MED13L: variants seen among roughly 807,000 people sequenced by gnomAD.
MED13L encodes mediator complex subunit 13L, also known as mediator of RNA polymerase II transcription subunit 13-like.
In MED13L, 7 loss-of-function variants were observed where a neutral mutation model predicts 220.9. The ratio of observed to expected loss-of-function variants is 0.03; its 90% CI spans 0.02 to 0.06. The LOEUF is 0.06. MED13L is among the 10% of genes least tolerant of loss of function. The pLI, the probability that MED13L is intolerant of heterozygous loss-of-function variation, is 1.00. For synonymous variants in MED13L, 1,011 were observed against 1,015.2 expected, an observed-to-expected ratio of 1.00 and a Z score of 0.08; for missense variants, 1,965 against 2,760.5, an observed-to-expected ratio of 0.71 and a Z score of 6.46.
At chr12:115,982,157 A>T (rs945525869) in intron 22 of MED13L, 2 of 549,852 alleles carry the variant, frequency 3.6e-6, no homozygotes, top group South Asian at 4.1e-5. Context: ...TATATGAAAC[A>T]TAAATAAATT....
intron 2 of MED13L, among the ~76,000 whole-genome samples, chr12:116,206,621 C>CT (rs911708742): frequency 2.3e-4 from 34 of 150,436 alleles, no homozygotes; most frequent in East Asian, 9.8e-4. Flanking sequence ...AGCAAGTAGC[C>CT]TTTTTTTTTC....
In MED13L at chr12:116,019,215, C is replaced by T; in HGVS notation, c.1009+9G>A. The T allele has an allele frequency of 6.2e-7, 1 of 1,612,328 alleles. No homozygotes were observed. The highest frequency in any genetic ancestry group is 8.5e-7 in the Non-Finnish European group (1 of 1,179,094). On this transcript the variant is annotated intron_variant, in intron 7 of 30. Transcript: ENST00000281928. ...TCTTCTCCCCAGGACACTCCTGGAT[C>T]CTACTCACCTAGGATAGCCTGTTCT...
Position 116,048,256 on chromosome 12 carries a change from G to C in MED13L, c.480-25655C>G, listed in dbSNP as rs549990445. ...ACTCTAGGAACTGAAAAAGGAATCA[G>C]AGTCACTGGGGCAGTGCTTCAGAAG... On this transcript the variant is annotated intron_variant, in intron 4 of 30. Coordinates refer to ENST00000281928, the MANE Select transcript of MED13L (RefSeq NM_015335.5). 1.1e-4 allele frequency among the ~76,000 whole-genome samples: 16 copies of C among 152,316 alleles called. No homozygotes were observed. The South Asian group carries it at 2.1e-3, about 20-fold the overall frequency.
chr12:116,130,766 T>C (rs1875999851), intron 2 of MED13L, among the ~76,000 whole-genome samples: 1 of 152,176 alleles, frequency 6.6e-6, no homozygotes, highest in South Asian at 2.1e-4. Flanking sequence ...AGTAAGTAGC[T>C]GCATGCAGTC....
intron 2 of MED13L, among the ~76,000 whole-genome samples, chr12:116,157,664 G>C (rs766206941): frequency 6.6e-6 from 1 of 152,214 alleles, no homozygotes; most frequent in African/African-American, 2.4e-5. Context: ...TAGTGAAGTT[G>C]TTTCTCACAA....
At chr12:116,004,804 T>A (rs1190037708) in intron 13 of MED13L, among the ~76,000 whole-genome samples, 1 of 152,200 alleles carries the variant, frequency 6.6e-6, no homozygotes. Flanking sequence ...TAATGGTATA[T>A]AATATCTGTT....
At chr12:116,009,903 C>A (rs1879288104) in intron 9 of MED13L, among the ~76,000 whole-genome samples, 1 of 152,172 alleles carries the variant, frequency 6.6e-6, no homozygotes, top group South Asian at 2.1e-4. Flanking sequence ...TTAATCTGTA[C>A]AACAAAGTTA....
chr12:116,276,644 C>G, intron 1 of MED13L: 1 of 1,197,082 alleles, frequency 8.4e-7, no homozygotes, highest in East Asian at 5.8e-5. Flanking sequence ...GGCAGCTGAT[C>G]CAACAACGGG....
At chr12:116,236,885 T>C (rs2138456060) in intron 2 of MED13L, 1 of 985,062 alleles carries the variant, frequency 1.0e-6, no homozygotes, top group Non-Finnish European at 1.2e-6. Context: ...CCGGAGCCAA[T>C]GTTTCCTGGA....
intron 2 of MED13L, among the ~76,000 whole-genome samples, chr12:116,160,024 G>C (rs928078196): frequency 7.9e-5 from 12 of 152,182 alleles, no homozygotes; most frequent in Non-Finnish European, 1.6e-4. Context: ...CGCAGACCCT[G>C]TGATTTCTTC....
At chr12:116,125,395 G>C (rs968286934) in intron 2 of MED13L, among the ~76,000 whole-genome samples, 1 of 152,106 alleles carries the variant, frequency 6.6e-6, no homozygotes, top group Admixed American at 6.5e-5. Flanking sequence ...TTAAATAGTA[G>C]GATTTTAGAG....
At chr12:116,105,525 A>T (rs893079836) in intron 3 of MED13L, among the ~76,000 whole-genome samples, 5 of 152,254 alleles carry the variant, frequency 3.3e-5, no homozygotes, top group African/African-American at 1.2e-4. Flanking sequence ...TTCAGAATGT[A>T]TACTCTCAGA....
intron 4 of MED13L, among the ~76,000 whole-genome samples, chr12:116,049,260 A>G (rs1299954773): frequency 6.6e-6 from 1 of 152,236 alleles, no homozygotes. Flanking sequence ...TTATTAAAGC[A>G]TAGGTGGAGA....
At chr12:116,251,899 A>G (rs1871601860) in intron 1 of MED13L, among the ~76,000 whole-genome samples, 1 of 152,112 alleles carries the variant, frequency 6.6e-6, no homozygotes, top group African/African-American at 2.4e-5. Context: ...AAGGGGCAAC[A>G]TTAATATCAA....
Position 116,075,962 on chromosome 12 carries a change from G to A in MED13L, c.479+20707C>T, listed in dbSNP as rs559974477. 1.1e-3 allele frequency among the ~76,000 whole-genome samples: 163 copies of A among 146,478 alleles called. 2 individuals carry two copies. The highest frequency in any genetic ancestry group is 3.9e-3 in the African/African-American group (153 of 39,252). ...GGAGTCTCGCTCTGTCGCCCAGGCT[G>A]GAGTGCAGTGGCGCGATCTCGGCTC... On this transcript the variant is annotated intron_variant, in intron 4 of 30. Coordinates refer to ENST00000281928, the MANE Select transcript of MED13L (RefSeq NM_015335.5).
chr12:116,250,993 C>T (rs1418282078), intron 1 of MED13L, among the ~76,000 whole-genome samples: 2 of 151,440 alleles, frequency 1.3e-5, no homozygotes, highest in Non-Finnish European at 2.9e-5. Flanking sequence ...TGAAGGTAAG[C>T]TGTGGTAAGT....
At chr12:116,156,626 G>T (rs755623571) in intron 2 of MED13L, among the ~76,000 whole-genome samples, 15 of 152,088 alleles carry the variant, frequency 9.9e-5, no homozygotes, top group Non-Finnish European at 1.3e-4. Flanking sequence ...AAATGTTTAA[G>T]TTCAGAAGAG....
intron 2 of MED13L, among the ~76,000 whole-genome samples, chr12:116,143,332 A>G (rs1251325707): frequency 6.9e-6 from 1 of 145,048 alleles, no homozygotes; most frequent in African/African-American, 2.5e-5. Context: ...CCTTGTCTCA[A>G]AAAAAAAAAA....
Position 116,277,229 on chromosome 12 carries a change from G to A in MED13L, c.-98C>T. On this transcript the variant is annotated 5_prime_UTR_variant, in exon 1 of 31. Coordinates refer to ENST00000281928, the MANE Select transcript of MED13L (RefSeq NM_015335.5). ...GGCGGCGCCTCGCCGGGGAGCGCGG[G>A]GCGGCCGGGCCGCCGCCGCCGCCGG... 3.2e-6 allele frequency: 2 copies of A among 631,854 alleles called. No individual in the cohort carries two copies. The highest frequency in any genetic ancestry group is 3.9e-6 in the Non-Finnish European group (2 of 506,604). 39.1% of individuals were successfully genotyped at this position (631,854 alleles called of 1,614,324 possible).
Sources: allele counts gnomAD v4.1 joint callset (sites outside exome capture counted in the v4.1 genomes callset), GRCh38; gene constraint gnomAD v4.1.1; transcripts MANE v1.5; gene names NCBI Gene and HGNC (gene_info 2026-07-23, HGNC 2026-07-21).